METTL15: variants seen among roughly 807,000 people sequenced by gnomAD.
The protein encoded by METTL15 is methyltransferase 15, mitochondrial 12S rRNA N4-cytidine, also known as 12S rRNA N(4)-cytidine methyltransferase METTL15.
In METTL15, 34 loss-of-function variants were observed where a neutral mutation model predicts 38.3. The observed-to-expected ratio is 0.89, with a 90% CI of 0.68 to 1.18. The LOEUF is 1.18. Ranked by LOEUF, METTL15 falls within the 50% of genes most tolerant of loss-of-function variation. METTL15 has a pLI of 0.00. For synonymous variants in METTL15, 162 were observed against 170.9 expected (o/e 0.95, Z 0.41); for missense variants, 438 against 498.4 (o/e 0.88, Z 1.15).
chr11:28,297,062 G>A (rs1856766524), intron 6 of METTL15, 131 bp downstream of exon 6: 1 of 893,552 alleles, frequency 1.1e-6, no homozygotes. Flanking sequence ...GGATTCATTT[G>A]TACTTGAAAT....
At position 28,254,691 on chromosome 11, in the gene METTL15, C is replaced by T. The variant is rs138695015; in HGVS notation, c.408-35515C>T. ...CAAGAGATAGGGGTCTTCATTATTC[C>T]GCAAATGGATATACAGTTTTCTAGC... On this transcript the variant is annotated intron_variant, in intron 4 of 6. Coordinates refer to ENST00000407364, the MANE Select transcript of METTL15 (RefSeq NM_001113528.2). Among the ~76,000 whole-genome samples the T allele has an allele frequency of 8.9e-4, 136 of 152,058 alleles. 2 individuals are homozygous for T. In the East Asian group the frequency reaches 0.021, roughly 24 times the overall value.
At chr11:28,421,388 A>C (rs1850819078) in intron 5 of METTL15, among the ~76,000 whole-genome samples, 1 of 151,998 alleles carries the variant, frequency 6.6e-6, no homozygotes, top group African/African-American at 2.4e-5. Flanking sequence ...CCTGCTACCA[A>C]AACAAAAGAC....
rs913354724 is a variant in METTL15, at chr11:28,132,388, T to A, written c.270+18784T>A. ...TTCTTTCATATTAAAATATATATAA[T>A]TTTATGTGAGAAAAATTGAATATTT... On this transcript the variant is annotated intron_variant, in intron 3 of 6. Coordinates refer to ENST00000407364, the MANE Select transcript of METTL15 (RefSeq NM_001113528.2). Among the ~76,000 whole-genome samples the A allele has an allele frequency of 2.0e-5, 3 of 152,094 alleles. No individual in the cohort carries two copies. In the East Asian group the frequency reaches 5.8e-4, roughly 29 times the overall value.
At chr11:28,209,619 G>A (rs999379630) in intron 3 of METTL15, among the ~76,000 whole-genome samples, 4 of 151,856 alleles carry the variant, frequency 2.6e-5, no homozygotes, top group East Asian at 1.9e-4. Flanking sequence ...TATATTTTAT[G>A]TCCATCCTCC....
chr11:28,510,132 G>T (rs1851662374), intron 6 of METTL15, among the ~76,000 whole-genome samples: 1 of 152,106 alleles, frequency 6.6e-6, no homozygotes. Flanking sequence ...TGACTGTGTA[G>T]AGATGACATT....
intron 3 of METTL15, among the ~76,000 whole-genome samples, chr11:28,188,966 A>G (rs1465381830): frequency 4.6e-5 from 7 of 151,318 alleles, no homozygotes; most frequent in Non-Finnish European, 8.9e-5. Flanking sequence ...GTAACTTTTA[A>G]TGTTTACATT....
chr11:28,469,627 A>G (rs1294276281), intron 6 of METTL15, among the ~76,000 whole-genome samples: 1 of 152,168 alleles, frequency 6.6e-6, no homozygotes, highest in African/African-American at 2.4e-5. Flanking sequence ...GGTAATAATG[A>G]TAACAACCTC....
intron 3 of METTL15, among the ~76,000 whole-genome samples, chr11:28,185,084 GTCT>G: frequency 6.6e-6 from 1 of 151,474 alleles, no homozygotes; most frequent in Non-Finnish European, 1.5e-5. Flanking sequence ...TTTATATAGA[GTCT>G]TTAACTGTTT....
At chr11:28,318,381 A>G in intron 6 of METTL15, among the ~76,000 whole-genome samples, 1 of 152,146 alleles carries the variant, frequency 6.6e-6, no homozygotes, top group South Asian at 2.1e-4. Flanking sequence ...ATATATATAT[A>G]AAATTGCAGA....
chr11:28,360,763 T>A (rs1404047450), intron 4 of METTL15, among the ~76,000 whole-genome samples: 1 of 151,248 alleles, frequency 6.6e-6, no homozygotes, highest in East Asian at 1.9e-4. Context: ...ACCCATTAAC[T>A]CGTCATTTAG....
chr11:28,137,326 A>C (rs1252211169), intron 3 of METTL15, among the ~76,000 whole-genome samples: 2 of 152,206 alleles, frequency 1.3e-5, no homozygotes, highest in African/African-American at 4.8e-5. Context: ...CTTTAACCCT[A>C]GTCTGAAATT....
intron 4 of METTL15, among the ~76,000 whole-genome samples, chr11:28,361,109 G>T (rs377599184): frequency 2.6e-5 from 4 of 150,956 alleles, no homozygotes; most frequent in African/African-American, 4.9e-5. Context: ...GAATAGTGCC[G>T]CAATAAACAT....
intron 6 of METTL15, among the ~76,000 whole-genome samples, chr11:28,440,073 GCAGGAGGGAGTA>G (rs1851021056): frequency 6.6e-6 from 1 of 152,170 alleles, no homozygotes; most frequent in South Asian, 2.1e-4. Context: ...TTTGCATGAG[GCAGGAGGGAGTA>G]CGGCTGTGTT....
chr11:28,511,296 T>A (rs754087021), intron 6 of METTL15, among the ~76,000 whole-genome samples: 1 of 152,248 alleles, frequency 6.6e-6, no homozygotes, highest in Non-Finnish European at 1.5e-5. Flanking sequence ...ATAAACAGTT[T>A]ATTAACATGT....
At chr11:28,231,246 C>T (rs1400058103) in intron 4 of METTL15, among the ~76,000 whole-genome samples, 1 of 151,748 alleles carries the variant, frequency 6.6e-6, no homozygotes, top group Non-Finnish European at 1.5e-5. Flanking sequence ...GACCCAAAAA[C>T]ATTAAATACC....
chr11:28,421,357 A>T (rs1437556497), intron 5 of METTL15, among the ~76,000 whole-genome samples: 2 of 152,122 alleles, frequency 1.3e-5, no homozygotes, highest in Non-Finnish European at 2.9e-5. Flanking sequence ...TTCCAAACTC[A>T]TTCTATGAGG....
intron 5 of METTL15, among the ~76,000 whole-genome samples, chr11:28,415,652 G>A (rs930323702): frequency 2.2e-4 from 33 of 152,164 alleles, no homozygotes; most frequent in Non-Finnish European, 4.4e-4. Context: ...GGAATGGGAA[G>A]AGTCACTCAC....
intron 3 of METTL15, among the ~76,000 whole-genome samples, chr11:28,344,818 T>C (rs1177863913): frequency 5.9e-5 from 9 of 152,204 alleles, no homozygotes; most frequent in Non-Finnish European, 1.3e-4. Context: ...AATATAAATA[T>C]AATGCAAGCC....
intron 2 of METTL15, among the ~76,000 whole-genome samples, chr11:28,112,298 A>G (rs114346808): frequency 2.7e-3 from 417 of 152,230 alleles, no homozygotes; most frequent in African/African-American, 8.6e-3. Context: ...CCATTCATTC[A>G]TTTTCTTCAG....
Sources: gnomAD v4.1 joint callset for allele counts (sites outside exome capture counted in the v4.1 genomes callset) on GRCh38, gnomAD v4.1.1 for gene constraint, MANE v1.5 for transcripts, NCBI Gene and HGNC (gene_info 2026-07-23, HGNC 2026-07-21) for gene names.